SNTG1: variants seen among roughly 807,000 people sequenced by gnomAD.
The protein encoded by SNTG1 is syntrophin gamma 1, also known as gamma-1-syntrophin.
Under a neutral mutation model 74.7 loss-of-function variants are expected in SNTG1, and 39 were observed. The observed-to-expected ratio is 0.52, with a 90% CI of 0.40 to 0.68. SNTG1 has a LOEUF of 0.68. Among genes scored for constraint, SNTG1 ranks in the 30% least tolerant of loss-of-function variants. The probability of loss-of-function intolerance (pLI) is 0.00; values close to 1 mark genes in which losing one functional copy is unlikely to be tolerated. For synonymous variants in SNTG1, 254 were observed against 217.1 expected, an observed-to-expected ratio of 1.17 and a Z score of -1.49; for missense variants, 685 against 609.5, an observed-to-expected ratio of 1.12 and a Z score of -1.30.
At position 50,103,893 on chromosome 8, in the gene SNTG1, G is replaced by T. The variant is rs549582769; in HGVS notation, c.-102-68668G>T. 1.3e-3 allele frequency among the ~76,000 whole-genome samples: 205 copies of T among 152,252 alleles called. 1 individual carries two copies. Among genetic ancestry groups the T allele is most frequent in the Admixed American group, 5.6e-3 (85 of 15,292 alleles). On this transcript the variant is annotated intron_variant, in intron 1 of 18. Transcript: ENST00000642720. ...GATTTGCAAATATTGAACCAGCCTT[G>T]CATCCCAGGGATGAAGCCCACTTGA...
At chr8:50,505,395 T>C (rs1400604045) in intron 9 of SNTG1, among the ~76,000 whole-genome samples, 1 of 152,174 alleles carries the variant, frequency 6.6e-6, no homozygotes, top group Non-Finnish European at 1.5e-5. Flanking sequence ...TTTTTAATTT[T>C]TTGAAGAATG....
At position 50,021,938 on chromosome 8, in the gene SNTG1, C is replaced by CA. The variant is rs776073608; in HGVS notation, c.-103+109717dup. 9.2e-5 allele frequency among the ~76,000 whole-genome samples: 11 copies of CA among 119,608 alleles called. 1 individual carries two copies. Among genetic ancestry groups the CA allele is most frequent in the South Asian group, 6.4e-4 (2 of 3,138 alleles). 78.5% of individuals were successfully genotyped at this position (119,608 alleles called of 152,430 possible). A position where few individuals can be genotyped will look rare whatever the true frequency, so the allele number is the denominator to read the frequency against. On this transcript the variant is annotated intron_variant, in intron 1 of 18. Transcript: ENST00000642720. ...CCTGGGTGACACAGTGAGACCCTCT[C>CA]AAAAAAAAAATAAAAATAAAAATAA...
chr8:50,421,450 A>T (rs10957909), intron 4 of SNTG1, among the ~76,000 whole-genome samples: 1 of 151,996 alleles, frequency 6.6e-6, no homozygotes, highest in African/African-American at 2.4e-5. Context: ...GCAGTGAGGA[A>T]CACCAGAGGC....
intron 1 of SNTG1, among the ~76,000 whole-genome samples, chr8:49,921,165 A>C: frequency 6.6e-6 from 1 of 152,108 alleles, no homozygotes; most frequent in East Asian, 1.9e-4. Flanking sequence ...GAGAGAATAA[A>C]AGAAAAACAA....
chr8:50,656,765 A>G lies in SNTG1; in HGVS notation c.850-144A>G, dbSNP rs968369276. 7.0e-6 allele frequency: 4 copies of G among 571,562 alleles called. No homozygotes were observed. In the South Asian group the frequency reaches 9.9e-5, roughly 14 times the overall value. The allele number at this position is 571,562 out of a possible 1,614,324, so 35.4% of individuals were successfully genotyped here. ...TGGTTTAATGTACTTTTTTGCATCA[A>G]TCAATTTGATAATTTTATGTGAGTT... On this transcript the variant is annotated intron_variant, in intron 13 of 18. Transcript: ENST00000642720.
intron 1 of SNTG1, among the ~76,000 whole-genome samples, chr8:50,074,274 A>G (rs541761662): frequency 6.6e-6 from 1 of 152,236 alleles, no homozygotes; most frequent in East Asian, 1.9e-4. Flanking sequence ...GCTAGCTTCA[A>G]ATTTTCTTCT....
intron 1 of SNTG1, among the ~76,000 whole-genome samples, chr8:49,958,577 C>T (rs971607238): frequency 7.2e-5 from 11 of 152,164 alleles, no homozygotes; most frequent in African/African-American, 1.2e-4. Flanking sequence ...CCTGCCACCA[C>T]GCCTGGCTAA....
intron 16 of SNTG1, among the ~76,000 whole-genome samples, chr8:50,705,144 G>T (rs2095439132): frequency 6.6e-6 from 1 of 151,880 alleles, no homozygotes; most frequent in African/African-American, 2.4e-5. Context: ...CTTTCCCTTT[G>T]CCTCCATCCT....
chr8:50,740,916 A>G (rs1310455869), intron 17 of SNTG1, among the ~76,000 whole-genome samples: 1 of 152,086 alleles, frequency 6.6e-6, no homozygotes, highest in Non-Finnish European at 1.5e-5. Flanking sequence ...ACATGTTCTC[A>G]CTTATAAAAA....
intron 2 of SNTG1, among the ~76,000 whole-genome samples, chr8:50,301,101 A>G (rs2089625487): frequency 6.6e-6 from 1 of 152,098 alleles, no homozygotes; most frequent in Non-Finnish European, 1.5e-5. Flanking sequence ...ACCTAGATGT[A>G]CAGGATAATA....
rs749400148 is a variant in SNTG1, at chr8:50,568,229, G to GTT, written c.810+15051_810+15052insTT. Reference sequence around the variant, plus strand: ...GAATAGTATTCCATTGTCCATGTTTGTGTGTGTGTGTGTGTGTGTGTGTGC... The same window carrying GTT: ...GAATAGTATTCCATTGTCCATGTTTGTTTGTGTGTGTGTGTGTGTGTGTGTGC... On this transcript the variant is annotated intron_variant, in intron 12 of 18. Transcript: ENST00000642720. 6.6e-3 allele frequency among the ~76,000 whole-genome samples: 993 copies of GTT among 150,126 alleles called. 9 individuals are homozygous for GTT. The highest frequency in any genetic ancestry group is 0.02 in the African/African-American group (808 of 40,786).
chr8:50,604,175 T>C (rs2094795247), intron 13 of SNTG1, among the ~76,000 whole-genome samples: 1 of 152,094 alleles, frequency 6.6e-6, no homozygotes, highest in African/African-American at 2.4e-5. Flanking sequence ...TCCTAGCACT[T>C]TGGGAGGCTG....
At chr8:50,788,307 C>T (rs2095681585) in intron 18 of SNTG1, among the ~76,000 whole-genome samples, 1 of 152,136 alleles carries the variant, frequency 6.6e-6, no homozygotes, top group East Asian at 1.9e-4. Context: ...AAGTGATTTA[C>T]AGAATGTAAT....
chr8:50,435,967 G>A (rs982878537), intron 4 of SNTG1, among the ~76,000 whole-genome samples: 2 of 152,110 alleles, frequency 1.3e-5, no homozygotes, highest in Non-Finnish European at 2.9e-5. Context: ...TGAGGACCCT[G>A]CGATGCTTGT....
In SNTG1 at chr8:50,288,817, C is replaced by T. The variant is rs56320325; in HGVS notation, c.-27-105395C>T. On this transcript the variant is annotated intron_variant, in intron 2 of 18. Coordinates refer to ENST00000642720, the MANE Select transcript of SNTG1 (RefSeq NM_018967.5). Reference sequence around the variant, plus strand: ...TACTTAAAGCTTTATTCTTACTCCACCTAGGAATTGCATGTTATAGGTTGC... The same window carrying T: ...TACTTAAAGCTTTATTCTTACTCCATCTAGGAATTGCATGTTATAGGTTGC... 4.0e-3 allele frequency among the ~76,000 whole-genome samples: 604 copies of T among 152,174 alleles called. 4 individuals are homozygous for T. Among genetic ancestry groups the T allele is most frequent in the Middle Eastern group, 0.01 (3 of 294 alleles).
At chr8:50,727,500 C>A (rs142597788) in intron 17 of SNTG1, among the ~76,000 whole-genome samples, 1 of 152,136 alleles carries the variant, frequency 6.6e-6, no homozygotes, top group Non-Finnish European at 1.5e-5. Flanking sequence ...CATTCCACAG[C>A]CCCACTGGCT....
At chr8:50,755,639 T>C (rs1254219455) in intron 18 of SNTG1, among the ~76,000 whole-genome samples, 1 of 151,898 alleles carries the variant, frequency 6.6e-6, no homozygotes, top group African/African-American at 2.4e-5. Flanking sequence ...GATTGCTAGA[T>C]CATATGGTAA....
chr8:50,344,369 C>G (rs1019617543), intron 2 of SNTG1, among the ~76,000 whole-genome samples: 4 of 152,116 alleles, frequency 2.6e-5, no homozygotes, highest in African/African-American at 9.7e-5. Flanking sequence ...TGTTTCTGCT[C>G]CATGGTTGGT....
At chr8:50,386,891 G>A (rs891930226) in intron 2 of SNTG1, among the ~76,000 whole-genome samples, 3 of 152,090 alleles carry the variant, frequency 2.0e-5, no homozygotes, top group East Asian at 1.9e-4. Context: ...TGGAGTGGAC[G>A]AACATTCAAA....
Sources: allele counts gnomAD v4.1 joint callset (sites outside exome capture counted in the v4.1 genomes callset), GRCh38; gene constraint gnomAD v4.1.1; transcripts MANE v1.5; gene names NCBI Gene and HGNC (gene_info 2026-07-23, HGNC 2026-07-21).